The following NKAIN3 variants were observed in gnomAD, a reference collection of about 807,000 sequenced individuals.
NKAIN3 encodes sodium/potassium transporting ATPase interacting 3, also known as sodium/potassium-transporting ATPase subunit beta-1-interacting protein 3.
A neutral mutation model predicts 30.2 loss-of-function variants in NKAIN3; 25 were observed. The ratio of observed to expected loss-of-function variants is 0.83; its 90% CI spans 0.60 to 1.16. The LOEUF (loss-of-function observed/expected upper bound fraction) is 1.16. Among genes scored for constraint, NKAIN3 ranks in the 50% most tolerant of loss-of-function variants. The probability of loss-of-function intolerance (pLI) is 0.00; values close to 1 mark genes in which losing one functional copy is unlikely to be tolerated. For missense variants in NKAIN3, 225 were observed against 254.1 expected, an observed-to-expected ratio of 0.89 and a Z score of 0.78; for synonymous variants, 91 against 89.6, an observed-to-expected ratio of 1.02 and a Z score of -0.09.
At chr8:62,371,998 T>C (rs1816922351) in intron 1 of NKAIN3, among the ~76,000 whole-genome samples, 2 of 152,076 alleles carry the variant, frequency 1.3e-5, no homozygotes, top group South Asian at 4.1e-4. Context: ...TGCTTTTTTT[T>C]CTATTTACTA....
chr8:62,342,235 C>CAAAAAAAAAAAAAAAAAAAAAAAA (rs3058285), intron 1 of NKAIN3, among the ~76,000 whole-genome samples: 1 of 124,778 alleles, frequency 8.0e-6, no homozygotes, highest in African/African-American at 3.2e-5. Context: ...ACCACTGAAC[C>CAAAAAAAAAAAAAAAAAAAAAAAA]AAAAAAAAAA....
chr8:62,753,208 G>GCACACACACACA (rs10636968), intron 4 of NKAIN3, among the ~76,000 whole-genome samples: 1 of 146,952 alleles, frequency 6.8e-6, no homozygotes, highest in African/African-American at 2.5e-5. Context: ...TAAAGAGGAT[G>GCACACACACACA]CACACACACA....
At chr8:62,897,916 AC>A (rs1447844542) in intron 4 of NKAIN3, among the ~76,000 whole-genome samples, 1 of 152,046 alleles carries the variant, frequency 6.6e-6, no homozygotes, top group Non-Finnish European at 1.5e-5. Flanking sequence ...CAGATGCCCA[AC>A]TCTGAACATT....
chr8:62,453,163 A>C (rs1257472816), intron 1 of NKAIN3, among the ~76,000 whole-genome samples: 1 of 152,172 alleles, frequency 6.6e-6, no homozygotes, highest in Non-Finnish European at 1.5e-5. Context: ...CTTTAGTTCC[A>C]CTTGCCTATT....
chr8:62,763,241 A>C (rs1288479507), intron 4 of NKAIN3, among the ~76,000 whole-genome samples: 10 of 132,752 alleles, frequency 7.5e-5, no homozygotes, highest in Admixed American at 6.5e-4. Context: ...AAAAAAAAAA[A>C]AAAAAAAAAA....
intron 1 of NKAIN3, among the ~76,000 whole-genome samples, chr8:62,330,167 T>C (rs1267352845): frequency 1.3e-5 from 2 of 151,516 alleles, no homozygotes; most frequent in African/African-American, 2.4e-5. Flanking sequence ...GAGAGGTGAG[T>C]ACAGTAGTTT....
At chr8:62,851,874 A>C (rs1819910982) in intron 4 of NKAIN3, among the ~76,000 whole-genome samples, 1 of 151,980 alleles carries the variant, frequency 6.6e-6, no homozygotes, top group Non-Finnish European at 1.5e-5. Flanking sequence ...TTTATTGAGG[A>C]TTTTTGCAGC....
chr8:62,517,141 C>T (rs973261621), intron 1 of NKAIN3, among the ~76,000 whole-genome samples: 1 of 151,824 alleles, frequency 6.6e-6, no homozygotes, highest in Non-Finnish European at 1.5e-5. Flanking sequence ...TTTTTTTTCT[C>T]TGATTGCAGA....
intron 4 of NKAIN3, among the ~76,000 whole-genome samples, chr8:62,774,531 T>C (rs1442675489): frequency 6.6e-6 from 1 of 152,188 alleles, no homozygotes; most frequent in Non-Finnish European, 1.5e-5. Flanking sequence ...AGTGTGAGAC[T>C]AGCTGTATGT....
intron 4 of NKAIN3, among the ~76,000 whole-genome samples, chr8:62,846,931 A>G (rs1465943327): frequency 6.6e-6 from 1 of 152,108 alleles, no homozygotes; most frequent in African/African-American, 2.4e-5. Context: ...ACTCCCATAT[A>G]TAAAACCATA....
chr8:62,410,572 A>G (rs1276172620), intron 1 of NKAIN3, among the ~76,000 whole-genome samples: 1 of 152,210 alleles, frequency 6.6e-6, no homozygotes, highest in Non-Finnish European at 1.5e-5. Flanking sequence ...AAGAATTGGT[A>G]CTTTGGAAAA....
chr8:62,376,220 G>A (rs1008201541), intron 1 of NKAIN3, among the ~76,000 whole-genome samples: 5 of 152,106 alleles, frequency 3.3e-5, no homozygotes, highest in Non-Finnish European at 7.4e-5. Flanking sequence ...GATCCTTCAC[G>A]CATGGGAAAC....
intron 4 of NKAIN3, among the ~76,000 whole-genome samples, chr8:62,782,517 AC>A (rs112431226): frequency 0.091 from 13,870 of 151,996 alleles, 659 homozygotes; most frequent in African/African-American, 0.1. Flanking sequence ...TTTGGAATTA[AC>A]CTAGGTGTCC....
Position 62,900,790 on chromosome 8 carries a change from C to T in NKAIN3, c.472-17663C>T, listed in dbSNP as rs73260888. 4.2e-3 allele frequency among the ~76,000 whole-genome samples: 638 copies of T among 152,282 alleles called. 4 individuals carry two copies. Among genetic ancestry groups the T allele is most frequent in the African/African-American group, 0.014 (600 of 41,566 alleles). ...GGTTAAATACCTTACCCAAGGCTCACTCTAATAGTAGTGGCAAAGGTAAAA... is the reference window on the plus strand; with the variant it reads ...GGTTAAATACCTTACCCAAGGCTCATTCTAATAGTAGTGGCAAAGGTAAAA... On this transcript the variant is annotated intron_variant, in intron 4 of 6. Transcript: ENST00000623646.
chr8:62,508,502 C>T (rs893678419), intron 1 of NKAIN3, among the ~76,000 whole-genome samples: 2 of 152,146 alleles, frequency 1.3e-5, no homozygotes, highest in African/African-American at 4.8e-5. Flanking sequence ...TGACAACCCT[C>T]GGAGCCACAA....
chr8:62,515,953 A>G (rs55774457), intron 1 of NKAIN3, among the ~76,000 whole-genome samples: 1 of 151,942 alleles, frequency 6.6e-6, no homozygotes, highest in East Asian at 1.9e-4. Flanking sequence ...GATTTTTAAG[A>G]TATTACTCCT....
intron 1 of NKAIN3, among the ~76,000 whole-genome samples, chr8:62,524,089 G>A (rs1348585646): frequency 6.6e-6 from 1 of 151,934 alleles, no homozygotes; most frequent in Non-Finnish European, 1.5e-5. Context: ...ATGTAGAGCT[G>A]AAGACAAGAC....
chr8:62,268,739 G>T (rs1176628161), intron 1 of NKAIN3, among the ~76,000 whole-genome samples: 1 of 152,066 alleles, frequency 6.6e-6, no homozygotes, highest in South Asian at 2.1e-4. Context: ...ATTGCTGGCC[G>T]ATAAACAGAG....
At chr8:62,942,217 TATATATACATATATATACAC>T (rs1822982113) in intron 5 of NKAIN3, among the ~76,000 whole-genome samples, 1 of 34,356 alleles carries the variant, frequency 2.9e-5, no homozygotes. Context: ...TATATACACA[TATATATACATATATATACAC>T]ATATATATAC....
Sources: gnomAD v4.1 joint callset for allele counts (sites outside exome capture counted in the v4.1 genomes callset) on GRCh38, gnomAD v4.1.1 for gene constraint, MANE v1.5 for transcripts, NCBI Gene and HGNC (gene_info 2026-07-23, HGNC 2026-07-21) for gene names.